Variants in KPNA5 observed in about 807,000 individuals in gnomAD.
The protein encoded by KPNA5 is importin subunit alpha-6.
In KPNA5, 46 loss-of-function variants were observed where a neutral mutation model predicts 71.3. The ratio of observed to expected loss-of-function variants is 0.65; its 90% CI spans 0.51 to 0.83. The LOEUF is 0.83. Among genes scored for constraint, KPNA5 ranks in the 40% least tolerant of loss-of-function variants. The probability of loss-of-function intolerance (pLI) is 0.00; values close to 1 mark genes in which losing one functional copy is unlikely to be tolerated. For missense variants in KPNA5, 547 were observed against 628.3 expected (o/e 0.87, Z 1.38); for synonymous variants, 207 against 201.4 (o/e 1.03, Z -0.24).
intron 8 of KPNA5, 114 bp from the exon 9 acceptor site, chr6:116,722,012 T>G (rs1779123862): frequency 3.0e-6 from 2 of 669,168 alleles, no homozygotes; most frequent in East Asian, 5.9e-5. Context: ...ATATAAATTT[T>G]CTGGTATTTT....
chr6:116,721,016 G>A (rs1200581307), intron 8 of KPNA5, among the ~76,000 whole-genome samples: 1 of 152,128 alleles, frequency 6.6e-6, no homozygotes, highest in Non-Finnish European at 1.5e-5. Context: ...ATCTTTAGAT[G>A]GTAACTACTT....
Position 116,729,658 on chromosome 6 carries a change from A to G in KPNA5, c.1349A>G (p.Asn450Ser). The change falls in exon 13 of 14, where the codon AAT (asparagine) becomes AGT (serine). Residue 450 changes from asparagine to serine, a missense_variant. Transcript: ENST00000368564. Reference sequence around the variant, plus strand: ...CAAGTGGCTTTAAATGGACTTGAAAATATTTTACGTCTTGGAGAACAAGAA... The same window carrying G: ...CAAGTGGCTTTAAATGGACTTGAAAGTATTTTACGTCTTGGAGAACAAGAA... ...IVQVALNGLE[N>S]ILRLGEQESK... 2 of 1,611,036 alleles carry G rather than the reference A, an allele frequency of 1.2e-6. No individual in the cohort carries two copies.
intron 7 of KPNA5, among the ~76,000 whole-genome samples, chr6:116,712,498 C>T (rs1012235556): frequency 1.3e-5 from 2 of 152,178 alleles, no homozygotes; most frequent in Non-Finnish European, 2.9e-5. Flanking sequence ...TTGTAGACAG[C>T]ATCGTAGACT....
At chr6:116,716,991 C>A (rs1429745382) in intron 8 of KPNA5, among the ~76,000 whole-genome samples, 1 of 151,848 alleles carries the variant, frequency 6.6e-6, no homozygotes, top group Non-Finnish European at 1.5e-5. Flanking sequence ...CATTTCATTT[C>A]ATAAGATATT....
In KPNA5 at chr6:116,738,465, A is replaced by G. The variant is rs957461163; in HGVS notation, c.*6142A>G. ...ATTCCTTCTGAAACTATTCCAATCAATAGAAAAAGAGGGAATCCTCCCTAA... is the reference window on the plus strand; with the variant it reads ...ATTCCTTCTGAAACTATTCCAATCAGTAGAAAAAGAGGGAATCCTCCCTAA... On this transcript the variant is annotated 3_prime_UTR_variant, in exon 14 of 14. Coordinates refer to ENST00000368564, the MANE Select transcript of KPNA5 (RefSeq NM_001366306.2). 3 of 152,160 alleles carry G rather than the reference A, an allele frequency of 2.0e-5. No homozygotes were observed. The highest frequency in any genetic ancestry group is 7.2e-5 in the African/African-American group (3 of 41,444). 9.4% of individuals were successfully genotyped at this position (152,160 alleles called of 1,614,324 possible).
chr6:116,712,957 T>A (rs183530853), intron 7 of KPNA5, among the ~76,000 whole-genome samples: 1 of 152,348 alleles, frequency 6.6e-6, no homozygotes, highest in African/African-American at 2.4e-5. Flanking sequence ...ACAAAAACAC[T>A]ACTCCTATAC....
chr6:116,730,030 A>AT (rs2114505258), intron 13 of KPNA5, among the ~76,000 whole-genome samples: 1 of 149,300 alleles, frequency 6.7e-6, no homozygotes, highest in Non-Finnish European at 1.5e-5. Flanking sequence ...CATAATTTTT[A>AT]TTATAATGGC....
chr6:116,731,246 G>T (rs1423926033), intron 13 of KPNA5, among the ~76,000 whole-genome samples: 1 of 151,822 alleles, frequency 6.6e-6, no homozygotes, highest in East Asian at 1.9e-4. Flanking sequence ...TTTTATTTTT[G>T]ATTCTTAAAG....
At chr6:116,710,870 A>ATT (rs1254080780) in intron 7 of KPNA5, among the ~76,000 whole-genome samples, 19 of 99,818 alleles carry the variant, frequency 1.9e-4, no homozygotes, top group African/African-American at 4.3e-4. Flanking sequence ...TAGTAATATT[A>ATT]TTTTATATAT....
intron 1 of KPNA5, chr6:116,681,624 A>G (rs1290038058): frequency 1.8e-5 from 18 of 979,352 alleles, no homozygotes; most frequent in Non-Finnish European, 2.2e-5. Flanking sequence ...GCCCCGCCTC[A>G]CCGTTTCTCG....
chr6:116,685,971 G>C (rs1332323213), intron 1 of KPNA5, among the ~76,000 whole-genome samples: 1 of 152,070 alleles, frequency 6.6e-6, no homozygotes, highest in Admixed American at 6.6e-5. Flanking sequence ...CAGTGGTGTG[G>C]TCATGGCCAA....
At chr6:116,704,777 A>G (rs1485995869) in intron 6 of KPNA5, among the ~76,000 whole-genome samples, 3 of 152,056 alleles carry the variant, frequency 2.0e-5, no homozygotes, top group Admixed American at 6.6e-5. Flanking sequence ...GAGTTTTACC[A>G]TGTTGCCCAG....
At chr6:116,718,865 T>C (rs1458751089) in intron 8 of KPNA5, among the ~76,000 whole-genome samples, 2 of 151,950 alleles carry the variant, frequency 1.3e-5, no homozygotes, top group Non-Finnish European at 2.9e-5. Flanking sequence ...CCTCCCGGGT[T>C]CAAGCAATTC....
rs534425169 is a variant in KPNA5, at chr6:116,713,455, C to T, written c.657-2764C>T. Among the ~76,000 whole-genome samples, 89 of 152,230 alleles carry T rather than the reference C, an allele frequency of 5.8e-4. No individual in the cohort carries two copies. The Middle Eastern group carries it at 0.01, about 17-fold the overall frequency. On this transcript the variant is annotated intron_variant, in intron 7 of 13. Transcript: ENST00000368564. ...CTTTATGAGGAATCTTTTTACACTA[C>T]GGGTCACTTCTCTCTTTTTGCTTTC...
chr6:116,693,160 A>T (rs1470915899), intron 4 of KPNA5, among the ~76,000 whole-genome samples: 1 of 152,142 alleles, frequency 6.6e-6, no homozygotes, highest in Non-Finnish European at 1.5e-5. Context: ...GTTGGCTCCA[A>T]GTCTTTGCTA....
chr6:116,706,518 C>A (rs146035155), intron 7 of KPNA5, among the ~76,000 whole-genome samples: 1 of 151,906 alleles, frequency 6.6e-6, no homozygotes, highest in Admixed American at 6.6e-5. Flanking sequence ...GGAGAAACCC[C>A]GTCTCTACTG....
Position 116,692,102 on chromosome 6 carries a change from G to A in KPNA5, c.186G>A (p.Met62Ile), listed in dbSNP as rs1166275817. The change falls in exon 3 of 14, where the codon ATG becomes ATA. Residue 62 changes from methionine to isoleucine, a missense_variant. Coordinates refer to ENST00000368564, the MANE Select transcript of KPNA5 (RefSeq NM_001366306.2). The part of the protein sequence containing the change: ...NVYLPRNDES[M>I]LESPIQDPDI... ...ATTTGCCCAGAAATGATGAATCTATGCTTGAAAGTCCTATACAGGATCCAG... is the reference window on the plus strand; with the variant it reads ...ATTTGCCCAGAAATGATGAATCTATACTTGAAAGTCCTATACAGGATCCAG... The A allele has an allele frequency of 1.2e-6, 2 of 1,613,120 alleles. No individual in the cohort carries two copies. Among genetic ancestry groups the A allele is most frequent in the Non-Finnish European group, 1.7e-6 (2 of 1,179,374 alleles).
chr6:116,718,420 G>A (rs182754461), intron 8 of KPNA5, among the ~76,000 whole-genome samples: 217 of 151,596 alleles, frequency 1.4e-3, no homozygotes, highest in African/African-American at 5.1e-3. Flanking sequence ...ATGCTACCTC[G>A]CCCAGCTAAT....
intron 8 of KPNA5, among the ~76,000 whole-genome samples, chr6:116,716,652 T>G (rs1438450114): frequency 6.6e-6 from 1 of 152,234 alleles, no homozygotes; most frequent in Non-Finnish European, 1.5e-5. Flanking sequence ...GTTCACCATT[T>G]GTACTTTTTC....
Sources: gnomAD v4.1 joint callset for allele counts (sites outside exome capture counted in the v4.1 genomes callset) on GRCh38, gnomAD v4.1.1 for gene constraint, MANE v1.5 for transcripts, NCBI Gene and HGNC (gene_info 2026-07-23, HGNC 2026-07-21) for gene names.